The following SMC4 variants were observed in gnomAD, a reference collection of about 807,000 sequenced individuals.
The protein encoded by SMC4 is structural maintenance of chromosomes protein 4.
Under a neutral mutation model 145.6 loss-of-function variants are expected in SMC4, and 87 were observed. The observed-to-expected ratio is 0.60, with a 90% CI of 0.50 to 0.71. The LOEUF (loss-of-function observed/expected upper bound fraction) is 0.71, where lower values mean the gene tolerates loss of function less well. Ranked by LOEUF, SMC4 falls within the 30% of genes least tolerant of loss-of-function variation. The probability of loss-of-function intolerance (pLI) is 0.00; values close to 1 mark genes in which losing one functional copy is unlikely to be tolerated. For missense variants in SMC4, 1,447 were observed against 1,537.1 expected, an observed-to-expected ratio of 0.94 and a Z score of 0.98; for synonymous variants, 558 against 500.7, an observed-to-expected ratio of 1.11 and a Z score of -1.53.
rs60640467 is a variant in SMC4 at position 160,402,081 on chromosome 3, A to T, written c.306A>T (p.Gly102=). The T allele has an allele frequency of 5.1e-4, 781 of 1,542,224 alleles. 8 individuals carry two copies. In the African/African-American group the frequency reaches 0.01, roughly 20 times the overall value. The change falls in exon 3 of 24, where the codon GGA becomes GGT. Residue 102 remains glycine, a synonymous_variant. Transcript: ENST00000357388. The stretch of plus-strand genomic sequence containing the variant: ...CCTATGCTGGGGAGAAAATTCTGGG[A>T]CCTTTCCATAAGGTATTTGTATGGA... The part of the protein sequence containing the change: ...FKSYAGEKIL[G]PFHKRFSCII...
chr3:160,424,636 G>A (rs41272955), intron 15 of SMC4, among the ~76,000 whole-genome samples: 21,940 of 152,028 alleles, frequency 0.14, 2,133 homozygotes, highest in Non-Finnish European at 0.21. Flanking sequence ...GGGAAACCAC[G>A]TCTCTACTAA....
rs749187563 is a variant in SMC4, at chr3:160,412,367, A to G, written c.894A>G (p.Leu298=). The change falls in exon 7 of 24, where the codon TTA becomes TTG. Residue 298 remains leucine (L), a synonymous_variant. Transcript: ENST00000357388. ...VKMVEKEKDA[L]EGEKNIAIEF... is the part of the protein sequence containing the mutation. ...TGGTGGAAAAGGAAAAGGATGCCTT[A>G]GAAGGAGAGAAAAACATAGCTATCG... 1.9e-6 allele frequency: 3 copies of G among 1,603,530 alleles called. No homozygotes were observed. Among genetic ancestry groups the G allele is most frequent in the Non-Finnish European group, 2.6e-6 (3 of 1,170,990 alleles).
At position 160,400,813 on chromosome 3, in the gene SMC4, C is replaced by G; in HGVS notation, c.-5-9C>G. 1 of 1,517,718 alleles carries G rather than the reference C, an allele frequency of 6.6e-7. No individual in the cohort carries two copies. Among genetic ancestry groups the G allele is most frequent in the South Asian group, 1.2e-5 (1 of 82,040 alleles). The allele number at this position is 1,517,718 out of a possible 1,614,324, so 94.0% of individuals were successfully genotyped here. On this transcript the variant is annotated splice_polypyrimidine_tract_variant and intron_variant, in intron 1 of 23. Coordinates refer to ENST00000357388, the MANE Select transcript of SMC4 (RefSeq NM_001002800.3). Reference sequence around the variant, plus strand: ...GGCTGACTTGCTCCCGGCTGTCCCCCGGCCCCAGCGACCATGCCCCGTAAA... The same window carrying G: ...GGCTGACTTGCTCCCGGCTGTCCCCGGGCCCCAGCGACCATGCCCCGTAAA...
chr3:160,429,703 CT>C (rs781205593), intron 18 of SMC4, among the ~76,000 whole-genome samples: 3 of 146,780 alleles, frequency 2.0e-5, no homozygotes, highest in African/African-American at 7.5e-5. Context: ...AAAGATTTAT[CT>C]ACTTAGGTTT....
intron 5 of SMC4, among the ~76,000 whole-genome samples, chr3:160,405,410 C>G (rs994802378): frequency 6.6e-6 from 1 of 151,686 alleles, no homozygotes; most frequent in Non-Finnish European, 1.5e-5. Flanking sequence ...TCCAGAATCA[C>G]CGAAGCATAA....
In SMC4 at chr3:160,401,391, G is replaced by T. The variant is rs546890829; in HGVS notation, c.139+426G>T. 1.2e-4 allele frequency among the ~76,000 whole-genome samples: 18 copies of T among 152,236 alleles called. No individual in the cohort carries two copies. In the South Asian group the frequency reaches 3.5e-3, roughly 30 times the overall value. Reference sequence around the variant, plus strand: ...CTCACCTCCGTGGTGTTAGATTGCCGTTAAAGAGAAGACGATAATTTATTT... The same window carrying T: ...CTCACCTCCGTGGTGTTAGATTGCCTTTAAAGAGAAGACGATAATTTATTT... On this transcript the variant is annotated intron_variant, in intron 2 of 23. Coordinates refer to ENST00000357388, the MANE Select transcript of SMC4 (RefSeq NM_001002800.3).
At position 160,411,921 on chromosome 3, in the gene SMC4, G is replaced by T; in HGVS notation, c.689G>T (p.Gly230Val). 2 of 1,609,974 alleles carry T rather than the reference G, an allele frequency of 1.2e-6. No individual in the cohort carries two copies. Among genetic ancestry groups the T allele is most frequent in the Non-Finnish European group, 8.5e-7 (1 of 1,178,264 alleles). ...ATGAAATATAACTTTTTTTTAAAGG[G>T]TGAAGTTGAACAAATTGCTATGATG... Reference protein sequence around the residue: ...LDHNRFLILQGEVEQIAMMKP... With the variant: ...LDHNRFLILQVEVEQIAMMKP... The change falls in exon 6 of 24, where the codon GGT (glycine) becomes GTT (valine). Residue 230 changes from glycine (G) to valine (V), a missense_variant and splice_region_variant. By Grantham distance (109) the Gly-to-Val change is moderately radical. Transcript: ENST00000357388.
chr3:160,419,916 G>A (rs1314048878), intron 12 of SMC4, among the ~76,000 whole-genome samples: 1 of 152,000 alleles, frequency 6.6e-6, no homozygotes, highest in Non-Finnish European at 1.5e-5. Flanking sequence ...TCCATCCTGG[G>A]CAATATAGCA....
rs964494715 is a variant in SMC4 at position 160,401,015 on chromosome 3, G to A, written c.139+50G>A. On this transcript the variant is annotated intron_variant, in intron 2 of 23. Transcript: ENST00000357388. ...GGGAACGCGCGCTGTGGGACTGGCA[G>A]GCAAACGCGCCCAGCCCGAGGCTGG... The A allele has an allele frequency of 4.4e-6, 6 of 1,362,404 alleles. No homozygotes were observed. In the African/African-American group the frequency reaches 7.7e-5, roughly 17 times the overall value. 84.4% of individuals were successfully genotyped at this position (1,362,404 alleles called of 1,614,324 possible).
At chr3:160,415,059 A>C (rs1716442386) in intron 9 of SMC4, among the ~76,000 whole-genome samples, 1 of 152,228 alleles carries the variant, frequency 6.6e-6, no homozygotes. Context: ...TAACAGGATC[A>C]GAGCAGGATT....
At chr3:160,408,128 G>C (rs984239499) in intron 5 of SMC4, among the ~76,000 whole-genome samples, 1 of 152,134 alleles carries the variant, frequency 6.6e-6, no homozygotes, top group African/African-American at 2.4e-5. Context: ...TTTGCTGTAA[G>C]AATCACTGAA....
rs367853626 is a variant in SMC4, at chr3:160,423,724, A to G, written c.2246-37A>G. ...TTGACTTTATTTAATCTTGTTGGGG[A>G]GACATCTGAAGCTGACTTCTCTCCC... On this transcript the variant is annotated intron_variant, in intron 14 of 23. Transcript: ENST00000357388. 2.0e-5 allele frequency: 32 copies of G among 1,602,746 alleles called. No homozygotes were observed. In the African/African-American group the frequency reaches 3.8e-4, roughly 19 times the overall value.
At chr3:160,411,693 G>A (rs1716002509) in intron 5 of SMC4, 1 of 369,240 alleles carries the variant, frequency 2.7e-6, no homozygotes, top group African/African-American at 2.0e-5. Flanking sequence ...TTATCTAAGG[G>A]AATATAAATT....
intron 10 of SMC4, 26 bp downstream of exon 10, chr3:160,416,441 T>C: frequency 1.4e-6 from 2 of 1,382,576 alleles, no homozygotes; most frequent in Non-Finnish European, 1.9e-6. Flanking sequence ...TTATCAGTGT[T>C]TATTTTGGTG....
chr3:160,424,214 A>G (rs1232897995), intron 15 of SMC4, among the ~76,000 whole-genome samples: 4 of 152,156 alleles, frequency 2.6e-5, no homozygotes, highest in Non-Finnish European at 5.9e-5. Context: ...ACTTGATGCA[A>G]ATCTCAACTT....
At chr3:160,427,725 A>T (rs1286682514) in intron 17 of SMC4, among the ~76,000 whole-genome samples, 1 of 152,196 alleles carries the variant, frequency 6.6e-6, no homozygotes, top group African/African-American at 2.4e-5. Context: ...ACTATTGAAC[A>T]TATTCATATT....
At chr3:160,402,176 G>C (rs1714759536) in intron 3 of SMC4, 83 bp downstream of exon 3, 3 of 867,926 alleles carry the variant, frequency 3.5e-6, no homozygotes, top group Non-Finnish European at 5.0e-6. Context: ...TTTCAGTTTT[G>C]TAACTATCCT....
In SMC4 at chr3:160,417,952, AG is replaced by A; in HGVS notation, c.1669del (p.Glu557ArgfsTer34). The part of the protein sequence containing the change: ...GKLPQTEQEL[K>X]EKEKELQKLT... ...CTCCCTCAAACTGAACAAGAATTAA[AG>A]GAGGTAAATCTTTGCTTCTCTGTTG... On this transcript the variant is annotated frameshift_variant, in exon 11 of 24. Transcript: ENST00000357388. LOFTEE classifies it high-confidence loss of function. 6.2e-7 allele frequency: 1 copy of A among 1,607,608 alleles called. No homozygotes were observed. The highest frequency in any genetic ancestry group is 8.5e-7 in the Non-Finnish European group (1 of 1,175,902).
At chr3:160,430,327 C>T (rs1019160239) in intron 18 of SMC4, among the ~76,000 whole-genome samples, 1 of 152,140 alleles carries the variant, frequency 6.6e-6, no homozygotes, top group African/African-American at 2.4e-5. Context: ...ATTTGATAAT[C>T]TAATGGACAG....
Sources: gnomAD v4.1 joint callset for allele counts (sites outside exome capture counted in the v4.1 genomes callset) on GRCh38, gnomAD v4.1.1 for gene constraint, MANE v1.5 for transcripts, NCBI Gene and HGNC (gene_info 2026-07-23, HGNC 2026-07-21) for gene names.